The following PCNX1 variants were observed in gnomAD, a reference collection of about 807,000 sequenced individuals.
PCNX1 encodes pecanex 1.
Under a neutral mutation model 242.2 loss-of-function variants are expected in PCNX1, and 78 were observed. The observed-to-expected ratio is 0.32, with a 90% CI of 0.27 to 0.39. PCNX1 has a LOEUF of 0.39. PCNX1 is among the 10% of genes least tolerant of loss of function. The probability of loss-of-function intolerance (pLI) is 1.00; values close to 1 mark genes in which losing one functional copy is unlikely to be tolerated. For synonymous variants in PCNX1, 1,024 were observed against 1,032.9 expected (o/e 0.99, Z 0.17); for missense variants, 2,581 against 2,856.5 (o/e 0.90, Z 2.20).
intron 7 of PCNX1, among the ~76,000 whole-genome samples, chr14:70,992,807 G>A (rs1295371300): frequency 6.6e-6 from 1 of 152,132 alleles, no homozygotes; most frequent in African/African-American, 2.4e-5. Flanking sequence ...ACCATTATTA[G>A]TTTAGGATAA....
At chr14:70,952,559 A>T (rs915127246) in intron 2 of PCNX1, among the ~76,000 whole-genome samples, 1 of 151,826 alleles carries the variant, frequency 6.6e-6, no homozygotes, top group Non-Finnish European at 1.5e-5. Flanking sequence ...AGAATCATAC[A>T]GTATGCATTT....
At chr14:70,924,373 C>G (rs1336241051) in intron 1 of PCNX1, among the ~76,000 whole-genome samples, 1 of 152,054 alleles carries the variant, frequency 6.6e-6, no homozygotes, top group Admixed American at 6.6e-5. Context: ...ACACTGCATC[C>G]GGTTTCTCCT....
intron 26 of PCNX1, among the ~76,000 whole-genome samples, chr14:71,066,238 T>G (rs12890872): frequency 0.37 from 55,643 of 152,044 alleles, 10,450 homozygotes; most frequent in East Asian, 0.62. Flanking sequence ...ATTCTTCCTA[T>G]CCATGAGCAT....
At chr14:71,083,046 G>A (rs1199272645) in intron 28 of PCNX1, among the ~76,000 whole-genome samples, 1 of 152,088 alleles carries the variant, frequency 6.6e-6, no homozygotes, top group East Asian at 1.9e-4. Flanking sequence ...GGGAGGCATG[G>A]TGGTGACAAA....
At chr14:70,959,093 C>G (rs1016696831) in intron 2 of PCNX1, among the ~76,000 whole-genome samples, 2 of 147,990 alleles carry the variant, frequency 1.4e-5, no homozygotes, top group African/African-American at 5.0e-5. Flanking sequence ...TAGTAAAAAA[C>G]TCTGGGCAAA....
In PCNX1 at chr14:71,034,080, G is replaced by A. The variant is rs187748384; in HGVS notation, c.3774+44G>A. The A allele has an allele frequency of 2.2e-4, 231 of 1,030,038 alleles. 1 individual carries two copies. In the East Asian group the frequency reaches 5.6e-3, roughly 25 times the overall value. 63.8% of individuals were successfully genotyped at this position (1,030,038 alleles called of 1,614,324 possible). ...AATCACCTAAAAGACTTAAATCTTA[G>A]ACAGTTGATCATGTTATATGAGGAA... On this transcript the variant is annotated intron_variant, in intron 18 of 35. Transcript: ENST00000304743.
rs1555357306 is a variant in PCNX1, at chr14:70,994,396, G to GATAGATAT, written c.2445-1342_2445-1341insGATATATA. Among the ~76,000 whole-genome samples, 140 of 96,922 alleles carry GATAGATAT rather than the reference G, an allele frequency of 1.4e-3. 2 individuals are homozygous for GATAGATAT. Among genetic ancestry groups the GATAGATAT allele is most frequent in the Non-Finnish European group, 2.2e-3 (101 of 45,816 alleles). The allele number at this position is 96,922 out of a possible 152,430, so 63.6% of individuals were successfully genotyped here. A position where few individuals can be genotyped will look rare whatever the true frequency, so the allele number is the denominator to read the frequency against. On this transcript the variant is annotated intron_variant, in intron 7 of 35. Coordinates refer to ENST00000304743, the MANE Select transcript of PCNX1 (RefSeq NM_014982.3). ...TCTATTATCATAACCACAGGCTTAAGATATATATATATATATATATATATA... is the reference window on the plus strand; with the variant it reads ...TCTATTATCATAACCACAGGCTTAAGATAGATATATATATATATATATATATATATATA...
intron 28 of PCNX1, chr14:71,085,852 A>G: frequency 3.1e-6 from 1 of 325,924 alleles, no homozygotes; most frequent in Non-Finnish European, 6.1e-6. Flanking sequence ...TAAGGATCAG[A>G]GTAGTTATTC....
chr14:71,017,708 G>A (rs1033894709), intron 11 of PCNX1, among the ~76,000 whole-genome samples: 1 of 152,144 alleles, frequency 6.6e-6, no homozygotes, highest in African/African-American at 2.4e-5. Flanking sequence ...TCAATGACAA[G>A]GGAGGCACTA....
chr14:70,910,283 C>G (rs192128989), intron 1 of PCNX1, among the ~76,000 whole-genome samples: 1 of 130,390 alleles, frequency 7.7e-6, no homozygotes, highest in Non-Finnish European at 1.7e-5. Context: ...TCCCTTGGTT[C>G]GTCACCATTC....
At chr14:70,975,989 C>T (rs1462667788) in intron 5 of PCNX1, among the ~76,000 whole-genome samples, 5 of 152,018 alleles carry the variant, frequency 3.3e-5, no homozygotes, top group Non-Finnish European at 5.9e-5. Context: ...TTCTGAACAG[C>T]AAGAGGATGT....
chr14:71,023,024 A>G (rs755810514), intron 12 of PCNX1, among the ~76,000 whole-genome samples, 176 bp from the exon 13 acceptor site: 25 of 152,010 alleles, frequency 1.6e-4, no homozygotes, highest in Non-Finnish European at 3.2e-4. Context: ...TTTTAATATC[A>G]CAGTGACACT....
chr14:70,978,714 G>C (rs2058752008), intron 6 of PCNX1, 66 bp downstream of exon 6: 2 of 1,336,054 alleles, frequency 1.5e-6, no homozygotes, highest in South Asian at 1.5e-5. Flanking sequence ...AATTAGAGTA[G>C]TACTTACTAA....
At chr14:71,050,884 C>T in intron 23 of PCNX1, 124 bp downstream of exon 23, 1 of 940,662 alleles carries the variant, frequency 1.1e-6, no homozygotes, top group Non-Finnish European at 1.6e-6. Context: ...AATTCATAAT[C>T]TTGGCCGGGT....
chr14:71,025,866 C>T (rs973115174), intron 13 of PCNX1, among the ~76,000 whole-genome samples: 4 of 152,104 alleles, frequency 2.6e-5, no homozygotes, highest in African/African-American at 9.7e-5. Context: ...GAGACCCTGT[C>T]TCAAAAAAAC....
intron 5 of PCNX1, among the ~76,000 whole-genome samples, chr14:70,972,401 T>C (rs1046321271): frequency 6.6e-6 from 1 of 152,092 alleles, no homozygotes; most frequent in African/African-American, 2.4e-5. Context: ...GAGTTGTCAG[T>C]GGATAAATAA....
chr14:71,010,776 C>T (rs544369646), intron 9 of PCNX1, among the ~76,000 whole-genome samples: 1 of 152,210 alleles, frequency 6.6e-6, no homozygotes, highest in African/African-American at 2.4e-5. Flanking sequence ...TGTTAGACAT[C>T]TGTGGGCTGT....
intron 26 of PCNX1, among the ~76,000 whole-genome samples, chr14:71,060,089 C>T (rs2061286529): frequency 1.3e-5 from 2 of 152,198 alleles, no homozygotes; most frequent in South Asian, 4.1e-4. Context: ...TCGTTAGATT[C>T]TTACACAGTC....
intron 26 of PCNX1, among the ~76,000 whole-genome samples, chr14:71,068,890 T>C (rs890045977): frequency 5.9e-5 from 9 of 151,988 alleles, no homozygotes; most frequent in African/African-American, 2.2e-4. Context: ...AATCCTGCAA[T>C]TGCAAAGTAA....
Sources: gnomAD v4.1 joint callset for allele counts (sites outside exome capture counted in the v4.1 genomes callset) on GRCh38, gnomAD v4.1.1 for gene constraint, MANE v1.5 for transcripts, NCBI Gene and HGNC (gene_info 2026-07-23, HGNC 2026-07-21) for gene names.